Variants in AJAP1 observed in about 807,000 individuals in gnomAD.
AJAP1 encodes adherens junction-associated protein 1.
Under a neutral mutation model 35.0 loss-of-function variants are expected in AJAP1, and 5 were observed. The observed-to-expected ratio is 0.14, with a 90% CI of 0.07 to 0.30. The LOEUF is 0.30. AJAP1 is among the 10% of genes least tolerant of loss of function. AJAP1 has a pLI of 1.00. For missense variants in AJAP1, 586 were observed against 571.0 expected, an observed-to-expected ratio of 1.03 and a Z score of -0.27; for synonymous variants, 284 against 249.3, an observed-to-expected ratio of 1.14 and a Z score of -1.31.
At chr1:4,727,490 A>C (rs868354905) in intron 2 of AJAP1, among the ~76,000 whole-genome samples, 14 of 152,194 alleles carry the variant, frequency 9.2e-5, no homozygotes, top group Admixed American at 2.6e-4. Flanking sequence ...TGTCTGTAGC[A>C]CTTGGTCACT....
rs186660469 is a variant in AJAP1, at chr1:4,655,961, G to A, written c.29+507G>A. 1.0e-2 allele frequency among the ~76,000 whole-genome samples: 1,519 copies of A among 152,134 alleles called. 35 individuals are homozygous for A. Among genetic ancestry groups the A allele is most frequent in the African/African-American group, 0.035 (1,446 of 41,536 alleles). On this transcript the variant is annotated intron_variant, in intron 1 of 5. Transcript: ENST00000378191. The surrounding 1 kb of genome is among the most constrained non-coding windows in gnomAD (Gnocchi z 6.9). ...CCCCCTTCTCCTTTCTCGGGGCCCC[G>A]GGGCTGAGCAGGGGCCTCCCAGGCT...
At chr1:4,765,982 G>C (rs1191524282) in intron 2 of AJAP1, among the ~76,000 whole-genome samples, 1 of 152,208 alleles carries the variant, frequency 6.6e-6, no homozygotes, top group East Asian at 1.9e-4. Context: ...GAGGAGCAAG[G>C]TTCTAATCCT....
chr1:4,775,513 C>T (rs1402687292), intron 5 of AJAP1, among the ~76,000 whole-genome samples: 1 of 152,094 alleles, frequency 6.6e-6, no homozygotes, highest in Non-Finnish European at 1.5e-5. Context: ...ACAGAATGGA[C>T]AAAGTCCTCA....
chr1:4,765,479 G>C (rs989552905), intron 2 of AJAP1, among the ~76,000 whole-genome samples: 1 of 152,126 alleles, frequency 6.6e-6, no homozygotes, highest in Non-Finnish European at 1.5e-5. Flanking sequence ...TATTGAGAGA[G>C]ACATGAGTGA....
At chr1:4,661,828 G>C (rs1169459479) in intron 1 of AJAP1, among the ~76,000 whole-genome samples, 1 of 152,170 alleles carries the variant, frequency 6.6e-6, no homozygotes. Flanking sequence ...TTGCAGCACA[G>C]AATTAATGAA....
rs1638863052 is a variant in AJAP1, at chr1:4,655,662, G to A, written c.29+208G>A. The stretch of plus-strand genomic sequence containing the variant: ...GGCGGGGAGCGGCCGGGTCTCCAGG[G>A]TTCCGCGCGTCCGGGGTCGGGGCAG... On this transcript the variant is annotated intron_variant, in intron 1 of 5. Transcript: ENST00000378191. This position sits in a 1 kb window ranked among gnomAD's most constrained non-coding sequence, Gnocchi z 6.9. 6.6e-6 allele frequency among the ~76,000 whole-genome samples: 1 copy of A among 151,178 alleles called. No individual in the cohort carries two copies. The highest frequency in any genetic ancestry group is 2.1e-4 in the South Asian group (1 of 4,814).
intron 2 of AJAP1, among the ~76,000 whole-genome samples, chr1:4,766,391 G>A (rs75900268): frequency 0.021 from 3,191 of 152,314 alleles, 51 homozygotes; most frequent in Middle Eastern, 0.065. Context: ...AAATGATGGG[G>A]CGGATGCTGT....
chr1:4,690,661 C>T (rs113459272), intron 1 of AJAP1, among the ~76,000 whole-genome samples: 37 of 152,298 alleles, frequency 2.4e-4, no homozygotes, highest in African/African-American at 7.9e-4. Context: ...CCACCAATCC[C>T]GGAGACAGGC....
chr1:4,761,102 G>A (rs185183540), intron 2 of AJAP1, among the ~76,000 whole-genome samples: 32 of 152,334 alleles, frequency 2.1e-4, no homozygotes, highest in African/African-American at 6.7e-4. Context: ...CCTTTGGAAA[G>A]CCTTTTAACT....
intron 5 of AJAP1, among the ~76,000 whole-genome samples, chr1:4,778,155 C>T (rs1165134126): frequency 6.6e-6 from 1 of 152,212 alleles, no homozygotes; most frequent in African/African-American, 2.4e-5. Flanking sequence ...GAATCTCCTT[C>T]CAGGCAGCAG....
At chr1:4,766,085 T>C (rs1474034844) in intron 2 of AJAP1, among the ~76,000 whole-genome samples, 7 of 152,240 alleles carry the variant, frequency 4.6e-5, no homozygotes, top group African/African-American at 1.4e-4. Flanking sequence ...AGAGCCACCT[T>C]GAGCTACTCA....
chr1:4,693,771 G>A lies in AJAP1; in HGVS notation c.30-18129G>A, dbSNP rs147669785. On this transcript the variant is annotated intron_variant, in intron 1 of 5. Transcript: ENST00000378191. The surrounding 1 kb of genome is among the most constrained non-coding windows in gnomAD (Gnocchi z 4.4). ...GCTGTGTAATCCCGTGGTGGAAGCAGGAGGGCAAGAGAGCACATGGAGGGG... is the reference window on the plus strand; with the variant it reads ...GCTGTGTAATCCCGTGGTGGAAGCAAGAGGGCAAGAGAGCACATGGAGGGG... Among the ~76,000 whole-genome samples the A allele has an allele frequency of 1.6e-4, 25 of 152,280 alleles. No individual in the cohort carries two copies. Among genetic ancestry groups the A allele is most frequent in the African/African-American group, 5.1e-4 (21 of 41,568 alleles).
At chr1:4,737,248 G>A (rs1435597513) in intron 2 of AJAP1, among the ~76,000 whole-genome samples, 2 of 151,964 alleles carry the variant, frequency 1.3e-5, no homozygotes, top group South Asian at 2.1e-4. Flanking sequence ...CAGAGAGTCG[G>A]GAAAAAGCAT....
chr1:4,700,849 C>T (rs551627642), intron 1 of AJAP1, among the ~76,000 whole-genome samples: 10 of 152,272 alleles, frequency 6.6e-5, no homozygotes, highest in South Asian at 2.1e-4. Flanking sequence ...TGGGGCCCTT[C>T]GTGGGGCAGC....
At chr1:4,688,141 C>T (rs138009401) in intron 1 of AJAP1, among the ~76,000 whole-genome samples, 152 of 152,252 alleles carry the variant, frequency 1.0e-3, no homozygotes, top group South Asian at 9.7e-3. Context: ...GAGGCTGGAG[C>T]GGTGGCCCCA....
Position 4,783,471 on chromosome 1 carries a change from G to GTATATATATATATATATATA in AJAP1, c.*1006_*1025dup, listed in dbSNP as rs70957905. On this transcript the variant is annotated 3_prime_UTR_variant, in exon 6 of 6. Transcript: ENST00000378191. ...ATGCCAAGGTTTTATATATGTGTGT[G>GTATATATATATATATATATA]TATATATATATATATATATATATAT... 1 of 57,800 alleles carries GTATATATATATATATATATA rather than the reference G, an allele frequency of 1.7e-5. No individual in the cohort carries two copies. The highest frequency in any genetic ancestry group is 3.3e-5 in the Non-Finnish European group (1 of 30,046). The allele number at this position is 57,800 out of a possible 1,614,324, so 3.6% of individuals were successfully genotyped here.
chr1:4,665,107 T>A (rs1639087510), intron 1 of AJAP1, among the ~76,000 whole-genome samples: 1 of 151,218 alleles, frequency 6.6e-6, no homozygotes, highest in African/African-American at 2.4e-5. Context: ...CCCACCCCCC[T>A]CTTTTTTGTC....
In AJAP1 at chr1:4,712,356, C is replaced by T. The variant is rs377685725; in HGVS notation, c.486C>T (p.Asp162=). 7.6e-5 allele frequency: 114 copies of T among 1,507,686 alleles called. 2 individuals carry two copies. The Middle Eastern group carries it at 4.6e-3, about 61-fold the overall frequency. 93.4% of individuals were successfully genotyped at this position (1,507,686 alleles called of 1,614,324 possible). ...LRRGKRHLQG[D]GLSSFDSRGS... ...GGGGCAAGAGGCACCTGCAGGGGGA[C>T]GGTCTCAGCAGCTTCGACTCCAGAG... The change falls in exon 2 of 6, where the codon GAC becomes GAT. Residue 162 remains aspartate, a synonymous_variant. Transcript: ENST00000378191.
intron 1 of AJAP1, among the ~76,000 whole-genome samples, chr1:4,659,180 A>G (rs749269009): frequency 1.3e-5 from 2 of 152,252 alleles, no homozygotes; most frequent in African/African-American, 2.4e-5. Context: ...CTCAGGGGTT[A>G]TATAAGAGTC....
Sources: allele counts gnomAD v4.1 joint callset (sites outside exome capture counted in the v4.1 genomes callset), GRCh38; gene constraint gnomAD v4.1.1; non-coding constraint Gnocchi (gnomAD v3.1); transcripts MANE v1.5; gene names NCBI Gene and HGNC (gene_info 2026-07-23, HGNC 2026-07-21).